PCDHA7: variants seen among roughly 807,000 people sequenced by gnomAD.
PCDHA7 encodes the protein protocadherin alpha 7.
PCDHA7 carries 37 observed loss-of-function variants against 57.2 expected under a neutral mutation model. That is an observed-to-expected ratio of 0.65 (90% CI 0.50 to 0.85). The LOEUF (loss-of-function observed/expected upper bound fraction) is 0.85. Ranked by LOEUF, PCDHA7 falls within the 40% of genes least tolerant of loss-of-function variation. The pLI, the probability that PCDHA7 is intolerant of heterozygous loss-of-function variation, is 0.00. For missense variants in PCDHA7, 1,188 were observed against 1,241.8 expected, an observed-to-expected ratio of 0.96 and a Z score of 0.65; for synonymous variants, 553 against 558.8, an observed-to-expected ratio of 0.99 and a Z score of 0.15.
At chr5:140,945,838 G>A (rs1415502139) in intron 1 of PCDHA7, among the ~76,000 whole-genome samples, 2 of 151,896 alleles carry the variant, frequency 1.3e-5, no homozygotes, top group African/African-American at 4.8e-5. Context: ...AACTCAAAAT[G>A]GATTAAAGAC....
intron 1 of PCDHA7, chr5:140,853,687 T>C (rs1025605569): frequency 3.0e-6 from 3 of 988,362 alleles, no homozygotes; most frequent in African/African-American, 3.5e-5. Context: ...AACCTATCCT[T>C]AGACCTGCTA....
chr5:140,903,498 T>C (rs1205249543), intron 1 of PCDHA7, among the ~76,000 whole-genome samples: 2 of 152,320 alleles, frequency 1.3e-5, no homozygotes, highest in East Asian at 1.9e-4. Context: ...GCAGGTACCA[T>C]AGATAATAGT....
At chr5:140,895,935 C>T (rs922054631) in intron 1 of PCDHA7, among the ~76,000 whole-genome samples, 20 of 152,028 alleles carry the variant, frequency 1.3e-4, no homozygotes, top group African/African-American at 4.1e-4. Flanking sequence ...CTCAGCCTCC[C>T]GAGTAGCTGG....
intron 3 of PCDHA7, among the ~76,000 whole-genome samples, chr5:140,988,231 A>G (rs2097289009): frequency 6.6e-6 from 1 of 152,150 alleles, no homozygotes. Context: ...TCAGGGATCT[A>G]TGTGAGTGGG....
chr5:140,993,508 ACG>A (rs2097567607), intron 3 of PCDHA7, among the ~76,000 whole-genome samples: 1 of 147,006 alleles, frequency 6.8e-6, no homozygotes, highest in Non-Finnish European at 1.5e-5. Context: ...ACACACACAC[ACG>A]GGGAGAGAGA....
intron 1 of PCDHA7, among the ~76,000 whole-genome samples, chr5:140,896,209 T>C (rs1489640114): frequency 6.6e-6 from 1 of 152,238 alleles, no homozygotes; most frequent in African/African-American, 2.4e-5. Context: ...AACATACACA[T>C]ACATGTGTCT....
At position 140,836,581 on chromosome 5, in the gene PCDHA7, G is replaced by A. The variant is rs1774589898; in HGVS notation, c.2198G>A (p.Ser733Asn). Residue 733 changes from serine to asparagine, a missense_variant, in exon 1 of 4, where the codon AGT becomes AAT. By Grantham distance (46) the Ser-to-Asn change is conservative. Around this residue, in one of 3 missense-constraint regions of PCDHA7, gnomAD observed 892 missense variants for 788.5 expected, o/e 1.13. Transcript: ENST00000525929. ...GCGCCGTCCTCTGAGGGCGCATGTA[G>A]TTTGGTAAAGCCCACTCTGGTGTGC... ...CSAPSSEGAC[S>N]LVKPTLVCSS... 1.2e-6 allele frequency: 2 copies of A among 1,613,662 alleles called. No individual in the cohort carries two copies. Among genetic ancestry groups the A allele is most frequent in the African/African-American group, 2.7e-5 (2 of 74,804 alleles).
At chr5:141,008,923 C>T (rs2098394604) in intron 3 of PCDHA7, among the ~76,000 whole-genome samples, 1 of 152,160 alleles carries the variant, frequency 6.6e-6, no homozygotes. Flanking sequence ...ATTTATTCAG[C>T]TAATTTTTCT....
At chr5:140,906,494 G>C (rs1327823813) in intron 1 of PCDHA7, among the ~76,000 whole-genome samples, 4 of 152,196 alleles carry the variant, frequency 2.6e-5, no homozygotes, top group African/African-American at 9.7e-5. Context: ...GCACAAACAT[G>C]TTTTTAACAA....
chr5:140,867,479 A>G (rs1308433664), intron 1 of PCDHA7: 1 of 152,158 alleles, frequency 6.6e-6, no homozygotes, highest in Non-Finnish European at 1.5e-5. Context: ...TTGGGAAAAG[A>G]GTAAATATGA....
At chr5:140,858,063 G>T in intron 1 of PCDHA7, 1 of 1,597,700 alleles carries the variant, frequency 6.3e-7, no homozygotes, top group Non-Finnish European at 8.6e-7. Flanking sequence ...GTGGAGGGCA[G>T]CCAGGCACCC....
At chr5:141,008,512 C>A (rs1006553111) in intron 3 of PCDHA7, among the ~76,000 whole-genome samples, 2 of 152,094 alleles carry the variant, frequency 1.3e-5, no homozygotes, top group Non-Finnish European at 2.9e-5. Context: ...GGTGTGTCTT[C>A]CAATCAGACT....
chr5:140,910,982 T>C (rs1204318531), intron 1 of PCDHA7, among the ~76,000 whole-genome samples: 1 of 152,130 alleles, frequency 6.6e-6, no homozygotes, highest in Non-Finnish European at 1.5e-5. Flanking sequence ...GGTTATACTC[T>C]GAACCTCACC....
chr5:140,870,288 G>A (rs782327278), intron 1 of PCDHA7: 4 of 1,614,090 alleles, frequency 2.5e-6, no homozygotes, highest in Admixed American at 3.3e-5. Flanking sequence ...TTCCCTTCAA[G>A]CTGGTGTCCA....
chr5:140,999,332 T>TTATAA (rs1554256746), intron 3 of PCDHA7, among the ~76,000 whole-genome samples: 1 of 152,222 alleles, frequency 6.6e-6, no homozygotes, highest in Non-Finnish European at 1.5e-5. Flanking sequence ...TCTGTGTGAT[T>TTATAA]TATAAGCCTT....
At chr5:140,890,890 T>C (rs2062844225) in intron 1 of PCDHA7, among the ~76,000 whole-genome samples, 1 of 152,192 alleles carries the variant, frequency 6.6e-6, no homozygotes, top group South Asian at 2.1e-4. Context: ...TCAGGGATTA[T>C]TGTCTTTCCA....
At chr5:140,935,633 C>T (rs1316098876) in intron 1 of PCDHA7, among the ~76,000 whole-genome samples, 4 of 152,046 alleles carry the variant, frequency 2.6e-5, no homozygotes, top group African/African-American at 7.2e-5. Context: ...AAATTTAGGG[C>T]TTGCTTTTTA....
chr5:140,937,521 G>A (rs1244752316), intron 1 of PCDHA7, among the ~76,000 whole-genome samples: 1 of 152,106 alleles, frequency 6.6e-6, no homozygotes, highest in Non-Finnish European at 1.5e-5. Context: ...GGAGGCTGAG[G>A]CAGGAGAATT....
intron 1 of PCDHA7, chr5:140,883,731 C>T (rs1287936712): frequency 6.2e-7 from 1 of 1,613,446 alleles, no homozygotes; most frequent in East Asian, 2.2e-5. Flanking sequence ...CAGGAGAACG[C>T]GCTGGTCTCC....
Sources: gnomAD v4.1 joint callset for allele counts (sites outside exome capture counted in the v4.1 genomes callset) on GRCh38, gnomAD v4.1.1 for gene constraint, gnomAD v4.1.1 regional missense constraint, MANE v1.5 for transcripts, NCBI Gene and HGNC (gene_info 2026-07-23, HGNC 2026-07-21) for gene names.